The following CCDC13 variants were observed in gnomAD, a reference collection of about 807,000 sequenced individuals.
CCDC13 encodes the protein coiled-coil domain-containing protein 13.
Under a neutral mutation model 87.3 loss-of-function variants are expected in CCDC13, and 70 were observed. The observed-to-expected ratio is 0.80, with a 90% confidence interval of 0.66 to 0.98. CCDC13 has a LOEUF of 0.98. Among genes scored for constraint, CCDC13 ranks in the 50% least tolerant of loss-of-function variants. The pLI is 0.00. For missense variants in CCDC13, 842 were observed against 892.0 expected (o/e 0.94, Z 0.71); for synonymous variants, 317 against 360.3 (o/e 0.88, Z 1.36).
At chr3:42,711,246 C>CAAAAAAAAAAAAAAAAAAAAAAAAAA (rs1174084143) in intron 14 of CCDC13, among the ~76,000 whole-genome samples, 5 of 75,326 alleles carry the variant, frequency 6.6e-5, no homozygotes, top group African/African-American at 1.7e-4. Flanking sequence ...ACTCTGTCTC[C>CAAAAAAAAAAAAAAAAAAAAAAAAAA]AAAAAAAAAA....
intron 1 of CCDC13, among the ~76,000 whole-genome samples, chr3:42,759,253 G>A (rs535384161): frequency 6.6e-6 from 1 of 151,404 alleles, no homozygotes; most frequent in East Asian, 1.9e-4. Flanking sequence ...AGGCTGCAGT[G>A]AGCCATGATT....
At chr3:42,732,856 C>A in intron 12 of CCDC13, 31 bp downstream of exon 12, 2 of 1,535,590 alleles carry the variant, frequency 1.3e-6, no homozygotes, top group African/African-American at 2.8e-5. Flanking sequence ...TGGGAAAAAA[C>A]TGTGAGAGTC....
chr3:42,718,506 G>A (rs1698483654), intron 13 of CCDC13, among the ~76,000 whole-genome samples: 2 of 152,074 alleles, frequency 1.3e-5, no homozygotes, highest in Non-Finnish European at 2.9e-5. Context: ...CTTTTGCTTT[G>A]TGCTGTGGAC....
chr3:42,750,390 T>C (rs1024046912), intron 5 of CCDC13, among the ~76,000 whole-genome samples: 4 of 152,236 alleles, frequency 2.6e-5, no homozygotes, highest in Admixed American at 6.5e-5. Context: ...GTCCACATCC[T>C]GCCTTCGAAT....
chr3:42,748,910 C>A (rs901305568), intron 5 of CCDC13, among the ~76,000 whole-genome samples: 1 of 152,154 alleles, frequency 6.6e-6, no homozygotes, highest in Admixed American at 6.5e-5. Context: ...TGCCCACCAC[C>A]ATGCCTGGCT....
At position 42,743,600 on chromosome 3, in the gene CCDC13, T is replaced by TATATACACATAC; in HGVS notation, c.826-544_826-543insGTATGTGTATAT. ...GCCTGGATAATTTTATATATATATA[T>TATATACACATAC]ACACACACACATATATATATACACA... On this transcript the variant is annotated intron_variant, in intron 7 of 15. Transcript: ENST00000310232. Among the ~76,000 whole-genome samples, 49 of 125,798 alleles carry TATATACACATAC rather than the reference T, an allele frequency of 3.9e-4. No individual in the cohort carries two copies. The South Asian group carries it at 8.3e-3, about 21-fold the overall frequency. The allele number at this position is 125,798 out of a possible 152,430, so 82.5% of individuals were successfully genotyped here. A position where few individuals can be genotyped will look rare whatever the true frequency, so the allele number is the denominator to read the frequency against.
intron 13 of CCDC13, among the ~76,000 whole-genome samples, chr3:42,722,581 G>A (rs972055895): frequency 6.6e-6 from 1 of 152,080 alleles, no homozygotes. Context: ...CTGACCTCTG[G>A]TCGTCCTCAC....
At chr3:42,733,741 G>C in intron 10 of CCDC13, 132 bp from the exon 11 acceptor site, 1 of 1,176,184 alleles carries the variant, frequency 8.5e-7, no homozygotes, top group Non-Finnish European at 1.1e-6. Flanking sequence ...AGTGAAAAGC[G>C]AGGCCTGTTT....
chr3:42,741,117 C>A (rs1231402057), intron 8 of CCDC13: 1 of 152,234 alleles, frequency 6.6e-6, no homozygotes, highest in Admixed American at 6.5e-5. Flanking sequence ...ATTTCAAACC[C>A]AGCATTTCCA....
intron 10 of CCDC13, 51 bp from the exon 11 acceptor site, chr3:42,733,660 A>G (rs1031555537): frequency 6.5e-7 from 1 of 1,543,782 alleles, no homozygotes; most frequent in African/African-American, 1.4e-5. Flanking sequence ...TCAGAGGCCT[A>G]GAGAAGGCAG....
rs148570614 is a variant in CCDC13 at position 42,758,338 on chromosome 3, G to A, written c.8C>T (p.Ala3Val). 2.9e-5 allele frequency: 46 copies of A among 1,612,248 alleles called. No individual in the cohort carries two copies. In the African/African-American group the frequency reaches 5.2e-4, roughly 18 times the overall value. Residue 3 changes from alanine to valine, a missense_variant, in exon 2 of 16, where the codon GCA becomes GTA. By Grantham distance (64) the Ala-to-Val change is moderately conservative. Transcript: ENST00000310232. MA[A>V]DESSQNTLRL... ...CAAAGTGTTCTGTGAGCTTTCATCT[G>A]CTGCCATCCTGCCCTAGGCATCAGA...
At position 42,735,875 on chromosome 3, in the gene CCDC13, C is replaced by CA. The variant is rs747977701; in HGVS notation, c.1202dup (p.Ser402GlufsTer38). 1.9e-6 allele frequency: 3 copies of CA among 1,614,196 alleles called. No individual in the cohort carries two copies. Among genetic ancestry groups the CA allele is most frequent in the Non-Finnish European group, 2.5e-6 (3 of 1,180,024 alleles). On this transcript the variant is annotated frameshift_variant, in exon 10 of 16. Transcript: ENST00000310232. LOFTEE classifies it high-confidence loss of function. ...CTCGCGTTTTCTCCTCCTGCAGACT[C>CA]AGGCTGCCTAGGATCTCCTGTAGCT...
intron 13 of CCDC13, among the ~76,000 whole-genome samples, chr3:42,730,191 T>G (rs1319542274): frequency 1.3e-5 from 2 of 152,204 alleles, no homozygotes; most frequent in Non-Finnish European, 2.9e-5. Context: ...ACTGATTTAC[T>G]TCTGGGTGTC....
At chr3:42,732,820 G>A in intron 12 of CCDC13, 67 bp downstream of exon 12, 2 of 1,361,040 alleles carry the variant, frequency 1.5e-6, no homozygotes, top group Non-Finnish European at 2.0e-6. Context: ...TTAATGGGAT[G>A]GCAATACTGG....
intron 13 of CCDC13, among the ~76,000 whole-genome samples, chr3:42,718,704 A>G (rs1358113607): frequency 6.6e-6 from 1 of 152,122 alleles, no homozygotes; most frequent in Non-Finnish European, 1.5e-5. Context: ...GGAAGCGACT[A>G]TAGTGAGGAA....
chr3:42,768,179 C>T (rs1699972034), intron 1 of CCDC13, among the ~76,000 whole-genome samples: 1 of 152,136 alleles, frequency 6.6e-6, no homozygotes, highest in African/African-American at 2.4e-5. Context: ...AATCTAGACA[C>T]AGACCTCATC....
chr3:42,732,951 G>A lies in CCDC13; in HGVS notation c.1531C>T (p.His511Tyr), dbSNP rs1467134628. The A allele has an allele frequency of 2.6e-6, 4 of 1,553,114 alleles. No individual in the cohort carries two copies. The highest frequency in any genetic ancestry group is 3.5e-6 in the Non-Finnish European group (4 of 1,147,652). The change falls in exon 12 of 16, where the codon CAC (histidine) becomes TAC (tyrosine). Residue 511 changes from histidine (H) to tyrosine (Y), a missense_variant. Transcript: ENST00000310232. ...GSSRSVTSLG[H>Y]TLVESALTRP... is the part of the protein sequence containing the mutation. ...GTGAGAGCAGATTCCACCAGTGTGT[G>A]GCCCAGGCTGGTCACAGAGCTGTGT...
chr3:42,760,370 A>G (rs369950908), intron 1 of CCDC13, among the ~76,000 whole-genome samples: 1 of 151,222 alleles, frequency 6.6e-6, no homozygotes, highest in African/African-American at 2.4e-5. Context: ...TAATCCCAAC[A>G]CTTTGGGAGG....
At chr3:42,725,438 G>A (rs1426363401) in intron 13 of CCDC13, among the ~76,000 whole-genome samples, 1 of 150,604 alleles carries the variant, frequency 6.6e-6, no homozygotes, top group African/African-American at 2.4e-5. Flanking sequence ...AGAGGCTGAG[G>A]TGGGAGGATC....
Sources: allele counts gnomAD v4.1 joint callset (sites outside exome capture counted in the v4.1 genomes callset), GRCh38; gene constraint gnomAD v4.1.1; transcripts MANE v1.5; gene names NCBI Gene and HGNC (gene_info 2026-07-23, HGNC 2026-07-21).